CCDC7: variants seen among roughly 807,000 people sequenced by gnomAD.
The protein encoded by CCDC7 is coiled-coil domain-containing protein 7.
A neutral mutation model predicts 196.9 loss-of-function variants in CCDC7; 183 were observed. The ratio of observed to expected loss-of-function variants is 0.93; its 90% CI spans 0.82 to 1.05. CCDC7 has a LOEUF of 1.05. CCDC7 is among the 50% of genes least tolerant of loss of function. The probability of loss-of-function intolerance (pLI) is 0.00; values close to 1 mark genes in which losing one functional copy is unlikely to be tolerated. For synonymous variants in CCDC7, 525 were observed against 484.6 expected, an observed-to-expected ratio of 1.08 and a Z score of -1.10; for missense variants, 1,540 against 1,482.2, an observed-to-expected ratio of 1.04 and a Z score of -0.64.
At chr10:32,445,219 G>A (rs1258238939), upstream of CCDC7, among the ~76,000 whole-genome samples, 4 of 152,200 alleles carry the variant, frequency 2.6e-5, no homozygotes, top group Admixed American at 6.5e-5. Flanking sequence ...TACACCAGAA[G>A]ATGTGTTGTT....
intron 24 of CCDC7, among the ~76,000 whole-genome samples, chr10:32,696,807 C>CTT (rs2141377870): frequency 6.6e-6 from 1 of 152,270 alleles, no homozygotes; most frequent in East Asian, 1.9e-4. Flanking sequence ...CTGATAATCT[C>CTT]TTTTTGCTTT....
At chr10:32,650,603 G>T (rs2068576523) in intron 20 of CCDC7, among the ~76,000 whole-genome samples, 1 of 152,160 alleles carries the variant, frequency 6.6e-6, no homozygotes, top group Non-Finnish European at 1.5e-5. Context: ...AGGGAGGCAT[G>T]GCTAGGTCTC....
chr10:32,655,501 A>G (rs2069638889), intron 20 of CCDC7, among the ~76,000 whole-genome samples: 1 of 151,914 alleles, frequency 6.6e-6, no homozygotes, highest in Non-Finnish European at 1.5e-5. Flanking sequence ...TTTTTCATAT[A>G]CTTGTTGACT....
At chr10:32,739,781 A>T in intron 28 of CCDC7, among the ~76,000 whole-genome samples, 1 of 152,032 alleles carries the variant, frequency 6.6e-6, no homozygotes, top group Non-Finnish European at 1.5e-5. Context: ...CCTAGCTAGC[A>T]GTTAGGCTGT....
chr10:32,449,164 CAT>C (rs1041745552), upstream of CCDC7, among the ~76,000 whole-genome samples: 1 of 151,812 alleles, frequency 6.6e-6, no homozygotes, highest in African/African-American at 2.4e-5. Flanking sequence ...ACAACTAAAA[CAT>C]GTTTTTTAGT....
At position 32,618,593 on chromosome 10, in the gene CCDC7, ATTTCT is replaced by A. The variant is rs2063031158; in HGVS notation, c.1802-15657_1802-15653del. ...AGCATATAACATTCTGGACTGACAG[ATTTCT>A]TTTTTTTTCTCTCAGCACTTTGAAA... On this transcript the variant is annotated intron_variant, in intron 18 of 41. Transcript: ENST00000639629. Among the ~76,000 whole-genome samples the A allele has an allele frequency of 2.0e-5, 3 of 151,952 alleles. No individual in the cohort carries two copies. In the South Asian group the frequency reaches 6.2e-4, roughly 32 times the overall value.
chr10:32,541,141 C>T (rs2051354308), intron 11 of CCDC7, among the ~76,000 whole-genome samples: 1 of 151,560 alleles, frequency 6.6e-6, no homozygotes, highest in Non-Finnish European at 1.5e-5. Context: ...GCCCTGCCTT[C>T]TGGGTGTTTC....
At chr10:32,813,162 A>C (rs2087556256) in intron 30 of CCDC7, among the ~76,000 whole-genome samples, 1 of 152,228 alleles carries the variant, frequency 6.6e-6, no homozygotes, top group Non-Finnish European at 1.5e-5. Flanking sequence ...ACAAGTGTCC[A>C]ACCATAGTTA....
chr10:32,705,208 C>T (rs953045983), intron 24 of CCDC7, among the ~76,000 whole-genome samples: 1 of 152,118 alleles, frequency 6.6e-6, no homozygotes, highest in Non-Finnish European at 1.5e-5. Context: ...ATTACATATC[C>T]ATCCAAACTA....
intron 18 of CCDC7, among the ~76,000 whole-genome samples, chr10:32,595,791 T>G (rs1413808442): frequency 1.3e-5 from 2 of 152,234 alleles, no homozygotes; most frequent in Non-Finnish European, 2.9e-5. Context: ...TGCCTTCATT[T>G]TGTTATGTAC....
chr10:32,754,509 A>G lies in CCDC7; in HGVS notation c.2906-24468A>G, dbSNP rs567159434. ...GATTATTGCTTTTGGTGTTGATGAA[A>G]TTTTATAAATATGATTCTAAAACTT... On this transcript the variant is annotated intron_variant, in intron 28 of 41. Coordinates refer to ENST00000639629, the Ensembl canonical transcript of CCDC7. Among the ~76,000 whole-genome samples the G allele has an allele frequency of 2.0e-4, 30 of 152,326 alleles. No homozygotes were observed. In the South Asian group the frequency reaches 6.0e-3, roughly 31 times the overall value.
At chr10:32,592,450 A>T (rs2059866973) in intron 18 of CCDC7, among the ~76,000 whole-genome samples, 1 of 151,418 alleles carries the variant, frequency 6.6e-6, no homozygotes, top group Non-Finnish European at 1.5e-5. Flanking sequence ...TTTCTTTTTA[A>T]TGTGTGTCTA....
chr10:32,862,105 A>G (rs995632468), intron 41 of CCDC7, among the ~76,000 whole-genome samples: 9 of 152,204 alleles, frequency 5.9e-5, no homozygotes, highest in African/African-American at 4.8e-5. Flanking sequence ...TGCTATAAAG[A>G]CACATGCACA....
At chr10:32,743,417 C>T (rs564825301) in intron 28 of CCDC7, among the ~76,000 whole-genome samples, 2 of 152,270 alleles carry the variant, frequency 1.3e-5, no homozygotes, top group Admixed American at 1.3e-4. Flanking sequence ...AATTAGATCC[C>T]ATTTGTCAAT....
intron 20 of CCDC7, among the ~76,000 whole-genome samples, chr10:32,641,015 G>A (rs7921431): frequency 0.14 from 21,585 of 151,956 alleles, 1,884 homozygotes; most frequent in African/African-American, 0.25. Flanking sequence ...TTTCTGCCGA[G>A]AGATCCGCTG....
chr10:32,827,737 T>C (rs1490995100), intron 32 of CCDC7, among the ~76,000 whole-genome samples: 1 of 152,168 alleles, frequency 6.6e-6, no homozygotes, highest in African/African-American at 2.4e-5. Flanking sequence ...GGCACATGTA[T>C]ACCTATGTAA....
At chr10:32,449,571 TTGTC>T (rs2032448764), upstream of CCDC7, among the ~76,000 whole-genome samples, 1 of 152,150 alleles carries the variant, frequency 6.6e-6, no homozygotes, top group South Asian at 2.1e-4. Flanking sequence ...TGTCCCCTGT[TTGTC>T]TGGTAATCTA....
At chr10:32,451,613 C>G (rs374511671), upstream of CCDC7, 1 of 1,535,044 alleles carries the variant, frequency 6.5e-7, no homozygotes, top group Non-Finnish European at 8.7e-7. Flanking sequence ...TTTTTTTCAT[C>G]TGTAATTTGG....
At chr10:32,563,094 G>T (rs61856041) in intron 13 of CCDC7, among the ~76,000 whole-genome samples, 1 of 151,616 alleles carries the variant, frequency 6.6e-6, no homozygotes, top group Admixed American at 6.6e-5. Flanking sequence ...ACTTACAAGG[G>T]ATGTGAAGGA....
Sources: allele counts gnomAD v4.1 joint callset (sites outside exome capture counted in the v4.1 genomes callset), GRCh38; gene constraint gnomAD v4.1.1; transcripts MANE v1.5; gene names NCBI Gene and HGNC (gene_info 2026-07-23, HGNC 2026-07-21).